Variants in NSUN6 observed in about 807,000 individuals in gnomAD.
NSUN6 encodes the protein NOP2/Sun RNA methyltransferase 6, also known as tRNA (cytosine(72)-C(5))-methyltransferase NSUN6.
In NSUN6, 64 loss-of-function variants were observed where a neutral mutation model predicts 58.0. That is an observed-to-expected ratio of 1.10 (90% CI 0.90 to 1.36). NSUN6 has a LOEUF of 1.36. Among genes scored for constraint, NSUN6 ranks in the 40% most tolerant of loss-of-function variants. The pLI, the probability that NSUN6 is intolerant of heterozygous loss-of-function variation, is 0.00. For synonymous variants in NSUN6, 231 were observed against 193.9 expected, an observed-to-expected ratio of 1.19 and a Z score of -1.59; for missense variants, 701 against 550.1, an observed-to-expected ratio of 1.27 and a Z score of -2.74.
upstream of NSUN6, chr10:18,655,163 G>C (rs185158840): frequency 3.4e-5 from 33 of 981,776 alleles, no homozygotes; most frequent in East Asian, 5.7e-4. Context: ...TATCTTGCTC[G>C]TATCCTTCCC....
intron 6 of NSUN6, among the ~76,000 whole-genome samples, chr10:18,608,615 C>G (rs4279920): frequency 0.11 from 14,812 of 134,340 alleles, 1,036 homozygotes; most frequent in African/African-American, 0.2. Context: ...CTCGAGCCTG[C>G]GTGACAGAGT....
intron 8 of NSUN6, among the ~76,000 whole-genome samples, chr10:18,571,368 C>G (rs2056349858): frequency 6.6e-6 from 1 of 151,094 alleles, no homozygotes. Context: ...CTCTCCATTC[C>G]AGTTCAATCT....
chr10:18,562,357 G>A (rs1158846777), intron 8 of NSUN6, among the ~76,000 whole-genome samples: 4 of 149,310 alleles, frequency 2.7e-5, no homozygotes, highest in South Asian at 2.1e-4. Context: ...ACTGCGAAAC[G>A]GAATAGCATG....
intron 3 of NSUN6, among the ~76,000 whole-genome samples, chr10:18,631,879 T>G (rs1443687548): frequency 1.3e-5 from 2 of 152,214 alleles, no homozygotes; most frequent in Admixed American, 1.3e-4. Flanking sequence ...ACCAATGACT[T>G]TCTTCACAGA....
intron 1 of NSUN6, among the ~76,000 whole-genome samples, chr10:18,650,127 C>T (rs1273575008): frequency 1.3e-5 from 2 of 151,990 alleles, no homozygotes; most frequent in African/African-American, 4.8e-5. Flanking sequence ...ACTTCTGTGG[C>T]AGGCACTGCC....
intron 8 of NSUN6, among the ~76,000 whole-genome samples, chr10:18,553,116 G>A (rs528032631): frequency 1.9e-4 from 26 of 136,778 alleles, no homozygotes; most frequent in South Asian, 2.4e-4. Flanking sequence ...ATTCCATTCC[G>A]TTCGATTCTC....
At chr10:18,555,016 GTGGAATGGAGAGTGGAATGGAGAATGGAA>G (rs1279201088) in intron 8 of NSUN6, among the ~76,000 whole-genome samples, 2 of 94,890 alleles carry the variant, frequency 2.1e-5, no homozygotes, top group South Asian at 4.4e-4. Context: ...ATGGAATGCA[GTGGAATGGAGAGTGGAATGGAGAATGGAA>G]TGGAATGGAG....
In NSUN6 at chr10:18,627,359, C is replaced by G. The variant is rs115317810; in HGVS notation, c.312-11066G>C. Among the ~76,000 whole-genome samples the G allele has an allele frequency of 8.3e-3, 1,261 of 152,092 alleles. 14 individuals carry two copies. Among genetic ancestry groups the G allele is most frequent in the South Asian group, 0.033 (161 of 4,808 alleles). On this transcript the variant is annotated intron_variant, in intron 3 of 10. Coordinates refer to ENST00000377304, the MANE Select transcript of NSUN6 (RefSeq NM_182543.5). ...GTAAAAAATCAGAGGAAGAAAACAC[C>G]CTTTTCTAAATCCCATGGAAATGAA...
rs754100626 is a variant in NSUN6, at chr10:18,586,083, A to AT, written c.787dup (p.Ile263AsnfsTer5). 6.3e-7 allele frequency: 1 copy of AT among 1,578,578 alleles called. No homozygotes were observed. The highest frequency in any genetic ancestry group is 2.0e-5 in the Admixed American group (1 of 50,692). On this transcript the variant is annotated frameshift_variant, in exon 8 of 11. Transcript: ENST00000377304. LOFTEE classifies it high-confidence loss of function. Reference sequence around the variant, plus strand: ...TTTGTTGAAGATTTTATCCAGTGCTATAACTTCTCCCTAAAAAGAAACAAA... The same window carrying AT: ...TTTGTTGAAGATTTTATCCAGTGCTATTAACTTCTCCCTAAAAAGAAACAAA...
intron 2 of NSUN6, among the ~76,000 whole-genome samples, chr10:18,647,061 G>C (rs763646670): frequency 1.3e-5 from 2 of 152,038 alleles, no homozygotes; most frequent in Non-Finnish European, 2.9e-5. Context: ...TTATACTAAG[G>C]TTTGGTCTCA....
chr10:18,616,205 C>A lies in NSUN6; in HGVS notation c.400G>T (p.Gly134Ter). 1.3e-6 allele frequency: 2 copies of A among 1,583,602 alleles called. No individual in the cohort carries two copies. Among genetic ancestry groups the A allele is most frequent in the Non-Finnish European group, 8.7e-7 (1 of 1,152,390 alleles). ...TTACATTGTGATGCTGACACAATTCCTGGGGCATAGACATGGGCTCCTCTT... is the reference window on the plus strand; with the variant it reads ...TTACATTGTGATGCTGACACAATTCATGGGGCATAGACATGGGCTCCTCTT... ...VLRGAHVYAP[G>*]IVSASQFMKA... is the part of the protein sequence containing the mutation. The change falls in exon 4 of 11, where the codon GGA becomes TGA. Residue 134 changes from glycine to a stop codon, truncating the protein, a stop_gained. Coordinates refer to ENST00000377304, the MANE Select transcript of NSUN6 (RefSeq NM_182543.5). LOFTEE classifies it high-confidence loss of function.
intron 7 of NSUN6, among the ~76,000 whole-genome samples, chr10:18,587,608 C>A (rs922421468): frequency 6.6e-6 from 1 of 151,980 alleles, no homozygotes; most frequent in Non-Finnish European, 1.5e-5. Context: ...CTCACTGGGA[C>A]TGGTTAGGCA....
chr10:18,628,281 T>G (rs898508983), intron 3 of NSUN6, among the ~76,000 whole-genome samples: 10 of 151,786 alleles, frequency 6.6e-5, no homozygotes, highest in Admixed American at 2.0e-4. Flanking sequence ...AGACCAAAAG[T>G]AGATAAAACC....
intron 3 of NSUN6, among the ~76,000 whole-genome samples, chr10:18,620,407 T>TA (rs2058564363): frequency 1.3e-5 from 2 of 152,016 alleles, no homozygotes; most frequent in African/African-American, 4.8e-5. Context: ...TTTAGCTTCT[T>TA]AAGTCTATGA....
In NSUN6 at chr10:18,546,099, CAT is replaced by C; in HGVS notation, c.1242_1243del (p.Cys415Ter). 6.2e-7 allele frequency: 1 copy of C among 1,613,106 alleles called. No homozygotes were observed. The highest frequency in any genetic ancestry group is 8.5e-7 in the Non-Finnish European group (1 of 1,179,590). ...TCGCTGCAGCTGTTTCAACTGTTCA[CAT>C]GAGAGCCCAGCTCCCCTCATTCCTT... On this transcript the variant is annotated frameshift_variant, in exon 11 of 11. Transcript: ENST00000377304. LOFTEE classifies it high-confidence loss of function.
intron 2 of NSUN6, among the ~76,000 whole-genome samples, chr10:18,645,247 A>C (rs950668461): frequency 8.4e-6 from 1 of 118,550 alleles, no homozygotes; most frequent in Non-Finnish European, 1.8e-5. Context: ...GATGTCAAAC[A>C]ACCAGATTGT....
At chr10:18,625,661 C>A (rs1409144798) in intron 3 of NSUN6, among the ~76,000 whole-genome samples, 1 of 139,158 alleles carries the variant, frequency 7.2e-6, no homozygotes, top group African/African-American at 2.7e-5. Context: ...TGCAGTGAGC[C>A]GAGATCGCGC....
intron 8 of NSUN6, among the ~76,000 whole-genome samples, chr10:18,566,019 T>C (rs964501006): frequency 6.6e-6 from 1 of 151,326 alleles, no homozygotes; most frequent in African/African-American, 2.4e-5. Flanking sequence ...CCATTCTCTA[T>C]TCCATTCCAT....
chr10:18,627,588 G>A (rs1404677369), intron 3 of NSUN6, among the ~76,000 whole-genome samples: 3 of 152,220 alleles, frequency 2.0e-5, no homozygotes, highest in Non-Finnish European at 2.9e-5. Flanking sequence ...GCGAGGCATT[G>A]CCTCACTCGG....
Sources: allele counts gnomAD v4.1 joint callset (sites outside exome capture counted in the v4.1 genomes callset), GRCh38; gene constraint gnomAD v4.1.1; transcripts MANE v1.5; gene names NCBI Gene and HGNC (gene_info 2026-07-23, HGNC 2026-07-21).